ARHGEF26: variants seen among roughly 807,000 people sequenced by gnomAD.
The protein encoded by ARHGEF26 is Rho guanine nucleotide exchange factor 26.
Under a neutral mutation model 89.4 loss-of-function variants are expected in ARHGEF26, and 59 were observed. The ratio of observed to expected loss-of-function variants is 0.66; its 90% CI spans 0.54 to 0.82. ARHGEF26 has a LOEUF of 0.82. ARHGEF26 is among the 40% of genes least tolerant of loss of function. The pLI is 0.00. For synonymous variants in ARHGEF26, 500 were observed against 428.4 expected, an observed-to-expected ratio of 1.17 and a Z score of -2.06; for missense variants, 1,234 against 1,085.6, an observed-to-expected ratio of 1.14 and a Z score of -1.92.
chr3:154,212,096 T>C (rs2108233610), intron 9 of ARHGEF26, among the ~76,000 whole-genome samples: 1 of 152,278 alleles, frequency 6.6e-6, no homozygotes, highest in East Asian at 1.9e-4. Context: ...CCCAGCACTT[T>C]GGGAGGCTGA....
intron 10 of ARHGEF26, among the ~76,000 whole-genome samples, chr3:154,225,102 A>G (rs1052698837): frequency 6.6e-6 from 1 of 152,100 alleles, no homozygotes; most frequent in East Asian, 1.9e-4. Flanking sequence ...TGTAGTTTTG[A>G]GAGTTTTCCA....
intron 10 of ARHGEF26, among the ~76,000 whole-genome samples, chr3:154,222,898 A>G (rs1433419266): frequency 6.6e-6 from 1 of 152,158 alleles, no homozygotes; most frequent in African/African-American, 2.4e-5. Context: ...AGGGTGTTGA[A>G]GACAGGAGAG....
intron 4 of ARHGEF26, among the ~76,000 whole-genome samples, chr3:154,134,603 A>G (rs1490379879): frequency 1.3e-5 from 2 of 152,080 alleles, no homozygotes; most frequent in Non-Finnish European, 2.9e-5. Context: ...GACAAACCAT[A>G]TCAACTATAT....
intron 6 of ARHGEF26, among the ~76,000 whole-genome samples, chr3:154,183,252 C>T (rs984300053): frequency 5.3e-5 from 8 of 151,994 alleles, no homozygotes; most frequent in African/African-American, 1.9e-4. Flanking sequence ...TTTTCCTGGT[C>T]CACAGAAGGT....
At chr3:154,148,264 A>C (rs1363388489) in intron 4 of ARHGEF26, among the ~76,000 whole-genome samples, 1 of 152,186 alleles carries the variant, frequency 6.6e-6, no homozygotes, top group Non-Finnish European at 1.5e-5. Flanking sequence ...TCTCAATCAG[A>C]ATACAAGAAG....
intron 12 of ARHGEF26, among the ~76,000 whole-genome samples, chr3:154,252,471 T>C (rs565378059): frequency 6.6e-6 from 1 of 152,202 alleles, no homozygotes; most frequent in Non-Finnish European, 1.5e-5. Flanking sequence ...TATCTGAAAC[T>C]TTTGATCCTT....
intron 6 of ARHGEF26, among the ~76,000 whole-genome samples, chr3:154,153,898 C>A (rs1720171973): frequency 6.6e-6 from 1 of 151,924 alleles, no homozygotes; most frequent in African/African-American, 2.4e-5. Context: ...TTAAAACTTT[C>A]CTTATTCATT....
intron 4 of ARHGEF26, among the ~76,000 whole-genome samples, chr3:154,141,892 A>C (rs1719406905): frequency 6.6e-6 from 1 of 152,234 alleles, no homozygotes; most frequent in African/African-American, 2.4e-5. Context: ...TAATTTGAAC[A>C]GTGGTAATAT....
At chr3:154,182,680 G>A (rs948285970) in intron 6 of ARHGEF26, among the ~76,000 whole-genome samples, 2 of 152,178 alleles carry the variant, frequency 1.3e-5, no homozygotes, top group African/African-American at 4.8e-5. Flanking sequence ...TCTTAGTTGA[G>A]GGTTGGCCAG....
chr3:154,216,454 GC>G (rs1715728228), intron 9 of ARHGEF26, among the ~76,000 whole-genome samples: 1 of 145,162 alleles, frequency 6.9e-6, no homozygotes, highest in South Asian at 2.2e-4. Context: ...AGGCTCCCCT[GC>G]AAGACTTCCC....
chr3:154,179,730 C>T (rs1018181545), intron 6 of ARHGEF26, among the ~76,000 whole-genome samples: 1 of 152,076 alleles, frequency 6.6e-6, no homozygotes, highest in Non-Finnish European at 1.5e-5. Context: ...TAGTAGGGCC[C>T]ATGAGTTACA....
At chr3:154,208,298 C>T (rs1258266669) in intron 9 of ARHGEF26, among the ~76,000 whole-genome samples, 1 of 152,172 alleles carries the variant, frequency 6.6e-6, no homozygotes, top group Non-Finnish European at 1.5e-5. Context: ...GATCCCTTGC[C>T]TTGGTCCCTC....
At chr3:154,218,032 C>A (rs1715890296) in intron 10 of ARHGEF26, 74 bp downstream of exon 10, 1 of 1,294,446 alleles carries the variant, frequency 7.7e-7, no homozygotes, top group South Asian at 1.3e-5. Context: ...TTGAGGGCAA[C>A]AAAGTAGATA....
chr3:154,225,830 G>T, intron 10 of ARHGEF26, 26 bp from the exon 11 acceptor site: 1 of 1,567,206 alleles, frequency 6.4e-7, no homozygotes, highest in Non-Finnish European at 8.6e-7. Context: ...TTTAGCTTTG[G>T]TCACTGGGTT....
intron 6 of ARHGEF26, among the ~76,000 whole-genome samples, chr3:154,173,501 G>A (rs1268810269): frequency 6.6e-6 from 1 of 152,138 alleles, no homozygotes; most frequent in Non-Finnish European, 1.5e-5. Flanking sequence ...AAACTCCAGA[G>A]CCTTTATAAT....
At chr3:154,127,840 T>C (rs528558422) in intron 3 of ARHGEF26, among the ~76,000 whole-genome samples, 5 of 152,330 alleles carry the variant, frequency 3.3e-5, no homozygotes, top group African/African-American at 1.2e-4. Flanking sequence ...GGCTAGGTGA[T>C]AGGAATTTTT....
chr3:154,228,855 C>T (rs1716657842), intron 11 of ARHGEF26, among the ~76,000 whole-genome samples: 1 of 152,162 alleles, frequency 6.6e-6, no homozygotes, highest in Admixed American at 6.5e-5. Context: ...TCACCTGTGC[C>T]AGCGCTTGAG....
At chr3:154,121,308 T>C (rs529818578), upstream of ARHGEF26, 2 of 152,422 alleles carry the variant, frequency 1.3e-5, no homozygotes, top group African/African-American at 4.8e-5. Context: ...AGCTTCTTGC[T>C]TCTGGCTGCG....
intron 6 of ARHGEF26, among the ~76,000 whole-genome samples, chr3:154,154,801 T>C (rs772410660): frequency 7.9e-5 from 12 of 152,006 alleles, no homozygotes; most frequent in Non-Finnish European, 1.5e-4. Context: ...CGAGTAACTG[T>C]GTAGTAGTTT....
Sources: gnomAD v4.1 joint callset for allele counts (sites outside exome capture counted in the v4.1 genomes callset) on GRCh38, gnomAD v4.1.1 for gene constraint, MANE v1.5 for transcripts, NCBI Gene and HGNC (gene_info 2026-07-23, HGNC 2026-07-21) for gene names.